Variants in CACNA2D1 observed in about 807,000 individuals in gnomAD.
CACNA2D1 encodes voltage-dependent calcium channel subunit alpha-2/delta-1.
A neutral mutation model predicts 171.5 loss-of-function variants in CACNA2D1; 53 were observed. That is an observed-to-expected ratio of 0.31 (90% CI 0.25 to 0.39). The LOEUF (loss-of-function observed/expected upper bound fraction) is 0.39, where lower values mean the gene tolerates loss of function less well. Ranked by LOEUF, CACNA2D1 falls within the 10% of genes least tolerant of loss-of-function variation. CACNA2D1 has a pLI of 1.00. For synonymous variants in CACNA2D1, 442 were observed against 443.1 expected (o/e 1.00, Z 0.03); for missense variants, 903 against 1,299.8 (o/e 0.69, Z 4.69).
intron 10 of CACNA2D1, among the ~76,000 whole-genome samples, chr7:82,041,985 C>T (rs1443257812): frequency 2.0e-5 from 3 of 152,100 alleles, no homozygotes; most frequent in Admixed American, 1.3e-4. Flanking sequence ...GCTTTTAACA[C>T]AGAAAAGTGA....
chr7:82,301,300 A>T (rs995412533), intron 3 of CACNA2D1, among the ~76,000 whole-genome samples: 2 of 151,922 alleles, frequency 1.3e-5, no homozygotes, highest in Admixed American at 1.3e-4. Context: ...TTAATTTTGT[A>T]TTTTTAGTAG....
intron 1 of CACNA2D1, among the ~76,000 whole-genome samples, chr7:82,403,434 T>C (rs1217320592): frequency 6.6e-6 from 1 of 152,194 alleles, no homozygotes; most frequent in Non-Finnish European, 1.5e-5. Flanking sequence ...CTTTCAAGTG[T>C]AGTTTAGTTA....
At position 82,285,966 on chromosome 7, in the gene CACNA2D1, G is replaced by A. The variant is rs572202841; in HGVS notation, c.294+49169C>T. On this transcript the variant is annotated intron_variant, in intron 3 of 38. Transcript: ENST00000356860. ...ATGGATTCCAGTGAATTACTCCTGA[G>A]GAACTGAAAGCATTTTCTTGGGCTA... is the stretch of plus-strand genomic sequence containing the variant. Among the ~76,000 whole-genome samples, 51 of 152,272 alleles carry A rather than the reference G, an allele frequency of 3.3e-4. No homozygotes were observed. In the East Asian group the frequency reaches 9.5e-3, roughly 28 times the overall value.
chr7:82,163,952 C>G (rs1795195503), intron 4 of CACNA2D1, among the ~76,000 whole-genome samples: 3 of 151,844 alleles, frequency 2.0e-5, no homozygotes, highest in Non-Finnish European at 4.4e-5. Context: ...TGCTGGAGAT[C>G]ACAGAGCCAA....
At position 82,306,315 on chromosome 7, in the gene CACNA2D1, T is replaced by C. The variant is rs1045528938; in HGVS notation, c.294+28820A>G. 2.6e-5 allele frequency among the ~76,000 whole-genome samples: 4 copies of C among 152,168 alleles called. No homozygotes were observed. The East Asian group carries it at 7.7e-4, about 29-fold the overall frequency. On this transcript the variant is annotated intron_variant, in intron 3 of 38. Coordinates refer to ENST00000356860, the MANE Select transcript of CACNA2D1 (RefSeq NM_000722.4). ...AAGTAAGATTTTAAGCAGCACACTC[T>C]TTGTTCTGAATTTGCCAACCTCTCA...
At chr7:82,139,673 T>C (rs1016537439) in intron 4 of CACNA2D1, among the ~76,000 whole-genome samples, 2 of 152,194 alleles carry the variant, frequency 1.3e-5, no homozygotes, top group African/African-American at 4.8e-5. Flanking sequence ...ACGCTGAGTT[T>C]TTAAGTAAAC....
At chr7:82,083,982 G>A (rs1045650509) in intron 7 of CACNA2D1, among the ~76,000 whole-genome samples, 19 of 152,016 alleles carry the variant, frequency 1.2e-4, no homozygotes, top group Admixed American at 3.9e-4. Context: ...TACCTAGCAC[G>A]TATCCCATAA....
intron 3 of CACNA2D1, among the ~76,000 whole-genome samples, chr7:82,311,960 A>G (rs921467240): frequency 1.3e-5 from 2 of 152,164 alleles, no homozygotes; most frequent in African/African-American, 4.8e-5. Flanking sequence ...AACATATTTT[A>G]AGGACCTTGA....
chr7:82,015,092 AC>A (rs1195598347), intron 12 of CACNA2D1, among the ~76,000 whole-genome samples: 1 of 152,112 alleles, frequency 6.6e-6, no homozygotes, highest in Non-Finnish European at 1.5e-5. Context: ...AAAAGAAAAT[AC>A]ATCTTTGAGG....
At chr7:82,353,670 G>A (rs1162164939) in intron 1 of CACNA2D1, among the ~76,000 whole-genome samples, 1 of 151,964 alleles carries the variant, frequency 6.6e-6, no homozygotes, top group African/African-American at 2.4e-5. Flanking sequence ...GCCAAAGAAG[G>A]GAGAAGTTTC....
chr7:82,389,054 T>G (rs1824768613), intron 1 of CACNA2D1, among the ~76,000 whole-genome samples: 1 of 151,180 alleles, frequency 6.6e-6, no homozygotes, highest in South Asian at 2.1e-4. Context: ...AGGTGGAGGT[T>G]GCAGTGAGCC....
At chr7:82,009,697 A>G (rs868058281) in intron 15 of CACNA2D1, among the ~76,000 whole-genome samples, 6 of 152,108 alleles carry the variant, frequency 3.9e-5, no homozygotes, top group Non-Finnish European at 7.4e-5. Context: ...GATTACTAAC[A>G]TATTAAAGAT....
chr7:82,162,336 T>C (rs893070794), intron 4 of CACNA2D1, among the ~76,000 whole-genome samples: 3 of 151,958 alleles, frequency 2.0e-5, no homozygotes, highest in Admixed American at 6.6e-5. Context: ...CTAGTATGTA[T>C]GTGGATGAAA....
chr7:81,950,516 TAAA>T lies in CACNA2D1; in HGVS notation c.3160-11_3160-9del. The T allele has an allele frequency of 1.4e-6, 2 of 1,454,162 alleles. No homozygotes were observed. The highest frequency in any genetic ancestry group is 1.9e-6 in the Non-Finnish European group (2 of 1,070,086). The allele number at this position is 1,454,162 out of a possible 1,614,324, so 90.1% of individuals were successfully genotyped here. A position where few individuals can be genotyped will look rare whatever the true frequency, so the allele number is the denominator to read the frequency against. On this transcript the variant is annotated splice_polypyrimidine_tract_variant and intron_variant, in intron 38 of 38. Coordinates refer to ENST00000356860, the MANE Select transcript of CACNA2D1 (RefSeq NM_000722.4). ...ACAGTCAGTATAATCCTCCTGTTGT[TAAA>T]AAAAAAAGAAAAGAACAGAAAAAGA... is the stretch of plus-strand genomic sequence containing the variant.
rs777295585 is a variant in CACNA2D1, at chr7:81,959,234, T to A, written c.3159+41A>T. 5.2e-6 allele frequency: 7 copies of A among 1,348,318 alleles called. No homozygotes were observed. In the South Asian group the frequency reaches 5.8e-5, roughly 11 times the overall value. The allele number at this position is 1,348,318 out of a possible 1,614,324, so 83.5% of individuals were successfully genotyped here. A position where few individuals can be genotyped will look rare whatever the true frequency, so the allele number is the denominator to read the frequency against. ...CTTGAATTCTTGCGGACAGTGACCA[T>A]TAATTTATAGTATTTTAATCCAGTA... On this transcript the variant is annotated intron_variant, in intron 38 of 38. Coordinates refer to ENST00000356860, the MANE Select transcript of CACNA2D1 (RefSeq NM_000722.4).
rs1009089986 is a variant in CACNA2D1 at position 82,242,921 on chromosome 7, T to C, written c.295-72312A>G. On this transcript the variant is annotated intron_variant, in intron 3 of 38. Transcript: ENST00000356860. ...TGCCTTAGAATCATATTTAGTGTAATGGTTAGGAAATAATCATTGTACCAT... is the reference window on the plus strand; with the variant it reads ...TGCCTTAGAATCATATTTAGTGTAACGGTTAGGAAATAATCATTGTACCAT... 1.7e-4 allele frequency among the ~76,000 whole-genome samples: 26 copies of C among 152,266 alleles called. 1 individual carries two copies. Among genetic ancestry groups the C allele is most frequent in the South Asian group, 1.2e-3 (6 of 4,828 alleles).
chr7:82,421,088 T>A (rs183009002), intron 1 of CACNA2D1, among the ~76,000 whole-genome samples: 2 of 152,340 alleles, frequency 1.3e-5, no homozygotes, highest in African/African-American at 4.8e-5. Flanking sequence ...CATGCTCAGC[T>A]TATCAGAACT....
intron 3 of CACNA2D1, among the ~76,000 whole-genome samples, chr7:82,178,897 G>C (rs777256559): frequency 6.6e-6 from 1 of 152,044 alleles, no homozygotes; most frequent in Non-Finnish European, 1.5e-5. Context: ...ACAACGTGCA[G>C]AACAGTGTAG....
At chr7:82,310,445 G>A (rs1814303258) in intron 3 of CACNA2D1, among the ~76,000 whole-genome samples, 1 of 151,752 alleles carries the variant, frequency 6.6e-6, no homozygotes, top group Non-Finnish European at 1.5e-5. Context: ...AGAAAGTTGA[G>A]GGAAAAGGAG....
Sources: gnomAD v4.1 joint callset for allele counts (sites outside exome capture counted in the v4.1 genomes callset) on GRCh38, gnomAD v4.1.1 for gene constraint, MANE v1.5 for transcripts, NCBI Gene and HGNC (gene_info 2026-07-23, HGNC 2026-07-21) for gene names.